MDGA2: variants seen among roughly 807,000 people sequenced by gnomAD.
The protein encoded by MDGA2 is MAM domain-containing glycosylphosphatidylinositol anchor protein 2.
Under a neutral mutation model 117.8 loss-of-function variants are expected in MDGA2, and 40 were observed. The ratio of observed to expected loss-of-function variants is 0.34; its 90% CI spans 0.26 to 0.44. MDGA2 has a LOEUF of 0.44. Among genes scored for constraint, MDGA2 ranks in the 20% least tolerant of loss-of-function variants. MDGA2 has a pLI of 1.00. For synonymous variants in MDGA2, 452 were observed against 439.0 expected, an observed-to-expected ratio of 1.03 and a Z score of -0.37; for missense variants, 1,123 against 1,250.6, an observed-to-expected ratio of 0.90 and a Z score of 1.54.
At chr14:47,447,410 G>A (rs573343826) in intron 1 of MDGA2, among the ~76,000 whole-genome samples, 4 of 152,284 alleles carry the variant, frequency 2.6e-5, no homozygotes, top group South Asian at 4.1e-4. Flanking sequence ...GGCTTCCTTC[G>A]TTGCCTCAGG....
At chr14:47,353,335 TAC>T (rs1890924367) in intron 1 of MDGA2, among the ~76,000 whole-genome samples, 1 of 152,172 alleles carries the variant, frequency 6.6e-6, no homozygotes, top group Non-Finnish European at 1.5e-5. Context: ...TGAGCTCAAT[TAC>T]AATGAGAATG....
intron 3 of MDGA2, among the ~76,000 whole-genome samples, chr14:47,189,595 G>A (rs1254338410): frequency 6.6e-6 from 1 of 151,982 alleles, no homozygotes; most frequent in Non-Finnish European, 1.5e-5. Context: ...AAACAAAAAT[G>A]CTGTCATTGA....
chr14:47,019,241 T>C (rs1418408624), intron 8 of MDGA2, among the ~76,000 whole-genome samples: 2 of 152,180 alleles, frequency 1.3e-5, no homozygotes, highest in African/African-American at 2.4e-5. Flanking sequence ...ACAATGCCGA[T>C]GTCTTGAGTA....
Position 47,263,134 on chromosome 14 carries a change from C to T in MDGA2, c.420+38277G>A, listed in dbSNP as rs550839283. 1.2e-3 allele frequency among the ~76,000 whole-genome samples: 179 copies of T among 152,142 alleles called. 1 individual carries two copies. The highest frequency in any genetic ancestry group is 3.9e-3 in the African/African-American group (163 of 41,526). On this transcript the variant is annotated intron_variant, in intron 2 of 16. Transcript: ENST00000399232. ...CTGGCTGTATTGTCCTGGTGACATC[C>T]GGCTTCTAAGATGCTACTACTTTAA...
chr14:47,329,121 G>A (rs1446328377), intron 1 of MDGA2, among the ~76,000 whole-genome samples: 1 of 152,000 alleles, frequency 6.6e-6, no homozygotes, highest in Non-Finnish European at 1.5e-5. Context: ...TAGTAGAGAT[G>A]GGGTTTCACC....
intron 3 of MDGA2, among the ~76,000 whole-genome samples, chr14:47,160,321 C>A (rs1385694025): frequency 1.3e-5 from 2 of 152,114 alleles, no homozygotes; most frequent in Non-Finnish European, 2.9e-5. Context: ...TATTCTATTT[C>A]GGGCTTTTTT....
rs1885600696 is a variant in MDGA2, at chr14:46,957,324, C to T, written c.2089+50G>A. On this transcript the variant is annotated intron_variant, in intron 9 of 16. Transcript: ENST00000399232. ...TTATATTGACATAGGTCTAAGATCT[C>T]TTGGTCTAATAAAACAAAATGTATA... 3 of 1,558,934 alleles carry T rather than the reference C, an allele frequency of 1.9e-6. No individual in the cohort carries two copies. In the East Asian group the frequency reaches 6.8e-5, roughly 35 times the overall value.
intron 3 of MDGA2, among the ~76,000 whole-genome samples, chr14:47,180,507 A>G (rs1884656080): frequency 6.6e-6 from 1 of 152,172 alleles, no homozygotes; most frequent in Admixed American, 6.6e-5. Context: ...TTGCAAGGAA[A>G]AACCCCATAA....
At chr14:47,136,856 T>C (rs1217153782) in intron 4 of MDGA2, among the ~76,000 whole-genome samples, 1 of 152,180 alleles carries the variant, frequency 6.6e-6, no homozygotes, top group Non-Finnish European at 1.5e-5. Flanking sequence ...TTTAAAAATC[T>C]TTACATTAGG....
intron 1 of MDGA2, among the ~76,000 whole-genome samples, chr14:47,507,003 T>A (rs1376850746): frequency 6.6e-6 from 1 of 152,050 alleles, no homozygotes; most frequent in African/African-American, 2.4e-5. Context: ...ACTTTTTTTT[T>A]TTTTTTGCAC....
At chr14:47,034,825 T>A (rs936345133) in intron 8 of MDGA2, among the ~76,000 whole-genome samples, 186 bp downstream of exon 8, 8 of 151,774 alleles carry the variant, frequency 5.3e-5, no homozygotes, top group Non-Finnish European at 1.0e-4. Context: ...ACATTTAGGG[T>A]AGATTATAGT....
At chr14:47,280,699 C>T (rs527801973) in intron 2 of MDGA2, among the ~76,000 whole-genome samples, 121 of 151,770 alleles carry the variant, frequency 8.0e-4, no homozygotes, top group Non-Finnish European at 1.5e-3. Context: ...AATTGTAAAC[C>T]GACTCAAAAG....
chr14:47,384,304 A>T (rs2138424197), intron 1 of MDGA2, among the ~76,000 whole-genome samples: 1 of 150,600 alleles, frequency 6.6e-6, no homozygotes, highest in South Asian at 2.1e-4. Context: ...ACATGAGGGG[A>T]TCTAGTATCC....
At chr14:47,029,786 CT>C (rs918380847) in intron 8 of MDGA2, among the ~76,000 whole-genome samples, 26 of 152,098 alleles carry the variant, frequency 1.7e-4, no homozygotes, top group African/African-American at 5.3e-4. Context: ...ACAATACTTT[CT>C]TTTAGGAAGA....
chr14:47,277,740 T>G (rs574009893), intron 2 of MDGA2, among the ~76,000 whole-genome samples: 43 of 152,206 alleles, frequency 2.8e-4, no homozygotes, highest in Non-Finnish European at 1.2e-4. Flanking sequence ...GGAGTTGGAC[T>G]GAGATGAATT....
At chr14:46,880,086 G>A (rs912878553) in intron 11 of MDGA2, among the ~76,000 whole-genome samples, 2 of 152,028 alleles carry the variant, frequency 1.3e-5, no homozygotes, top group Non-Finnish European at 2.9e-5. Flanking sequence ...CAAGCACTTT[G>A]GGAGGCTGAA....
At chr14:47,661,266 C>T (rs180693838) in intron 1 of MDGA2, among the ~76,000 whole-genome samples, 16 of 152,056 alleles carry the variant, frequency 1.1e-4, no homozygotes, top group Admixed American at 9.8e-4. Context: ...AACTATATGG[C>T]GGTTATTTAA....
intron 15 of MDGA2, among the ~76,000 whole-genome samples, chr14:46,851,064 A>G (rs1177072099): frequency 6.6e-6 from 1 of 151,862 alleles, no homozygotes; most frequent in East Asian, 1.9e-4. Flanking sequence ...GGAGAGCAGT[A>G]TAGTCTCTTT....
intron 6 of MDGA2, among the ~76,000 whole-genome samples, chr14:47,074,493 G>T (rs990036505): frequency 1.1e-4 from 17 of 152,056 alleles, no homozygotes; most frequent in Admixed American, 6.5e-5. Context: ...GTTGAGACGG[G>T]GTTTCACCGT....
Sources: gnomAD v4.1 joint callset for allele counts (sites outside exome capture counted in the v4.1 genomes callset) on GRCh38, gnomAD v4.1.1 for gene constraint, MANE v1.5 for transcripts, NCBI Gene and HGNC (gene_info 2026-07-23, HGNC 2026-07-21) for gene names.